The following FAM89A variants were observed in gnomAD, a reference collection of about 807,000 sequenced individuals.
The protein encoded by FAM89A is family with sequence similarity 89 member A, also known as protein FAM89A.
In FAM89A, 10 loss-of-function variants were observed where a neutral mutation model predicts 7.1. The ratio of observed to expected loss-of-function variants is 1.40; its 90% CI spans 0.86 to 2.38. FAM89A has a LOEUF of 2.38. Among genes scored for constraint, FAM89A ranks in the 30% most tolerant of loss-of-function variants. The pLI, the probability that FAM89A is intolerant of heterozygous loss-of-function variation, is 0.00. For missense variants in FAM89A, 276 were observed against 262.8 expected, an observed-to-expected ratio of 1.05 and a Z score of -0.35; for synonymous variants, 157 against 129.3, an observed-to-expected ratio of 1.21 and a Z score of -1.45.
chr1:231,025,066 G>A (rs930182757), intron 1 of FAM89A, among the ~76,000 whole-genome samples: 6 of 152,000 alleles, frequency 3.9e-5, no homozygotes, highest in Non-Finnish European at 8.8e-5. Flanking sequence ...GGGACTACAG[G>A]CGCTCGCCAC....
chr1:231,033,229 T>C (rs1001560469), intron 1 of FAM89A, among the ~76,000 whole-genome samples: 1 of 152,168 alleles, frequency 6.6e-6, no homozygotes, highest in African/African-American at 2.4e-5. Context: ...GGGCTCCATA[T>C]GGAGAATGAC....
At chr1:231,024,374 C>A (rs1007362266) in intron 1 of FAM89A, among the ~76,000 whole-genome samples, 1 of 152,126 alleles carries the variant, frequency 6.6e-6, no homozygotes, top group African/African-American at 2.4e-5. Context: ...AAAAAGTGAT[C>A]ATCTTGTAAA....
chr1:231,029,419 G>C (rs929181355), intron 1 of FAM89A, among the ~76,000 whole-genome samples: 1 of 152,062 alleles, frequency 6.6e-6, no homozygotes, highest in African/African-American at 2.4e-5. Context: ...TTGAGCCCAG[G>C]AGGTTGAGGC....
intron 1 of FAM89A, chr1:231,022,138 T>C (rs1397822910): frequency 2.5e-6 from 3 of 1,192,994 alleles, no homozygotes; most frequent in Middle Eastern, 1.9e-4. Context: ...GCCCAACTTG[T>C]AGGAAAAAGA....
chr1:231,021,717 TA>T, intron 1 of FAM89A: 2 of 1,596,050 alleles, frequency 1.3e-6, no homozygotes. Context: ...GCAGAACCCA[TA>T]GAACTCGTGG....
At chr1:231,030,846 A>G (rs1292527151) in intron 1 of FAM89A, among the ~76,000 whole-genome samples, 2 of 152,244 alleles carry the variant, frequency 1.3e-5, no homozygotes, top group African/African-American at 4.8e-5. Flanking sequence ...GAGGTGACTT[A>G]CACCTGTAAT....
At chr1:231,022,196 C>A in intron 1 of FAM89A, 1 of 974,324 alleles carries the variant, frequency 1.0e-6, no homozygotes. Flanking sequence ...TATTCAGAGA[C>A]GCCCAGGAGA....
chr1:231,019,910 G>A lies in FAM89A; in HGVS notation c.508C>T (p.Pro170Ser), dbSNP rs369570322. 1.9e-6 allele frequency: 3 copies of A among 1,614,186 alleles called. No individual in the cohort carries two copies. Among genetic ancestry groups the A allele is most frequent in the Middle Eastern group, 1.7e-4 (1 of 6,060 alleles). Residue 170 changes from proline to serine, a missense_variant, in exon 2 of 2, where the codon CCT (proline) becomes TCT (serine). Coordinates refer to ENST00000366654, the MANE Select transcript of FAM89A (RefSeq NM_198552.3). ...TCGCTGCTGGAGAGGGAGGAGACAGGCAGTGACAAGTCCCGAGGAGGGCCT... is the reference window on the plus strand; with the variant it reads ...TCGCTGCTGGAGAGGGAGGAGACAGACAGTGACAAGTCCCGAGGAGGGCCT... ...DRGPPRDLSL[P>S]VSSLSSSDWI...
At chr1:231,039,447 C>T (rs528906913) in intron 1 of FAM89A, among the ~76,000 whole-genome samples, 5 of 152,226 alleles carry the variant, frequency 3.3e-5, no homozygotes, top group Admixed American at 1.3e-4. Flanking sequence ...GAAAGGGGGC[C>T]GGGCTGTTCC....
At position 231,039,902 on chromosome 1, in the gene FAM89A, C is replaced by G. The variant is rs1280535089; in HGVS notation, c.291+19G>C. ...CGAGCCCGGCCGGGAAGAGCCCCAG[C>G]TCGCGGAGCCCCACTCACCATCTCT... On this transcript the variant is annotated intron_variant, in intron 1 of 1. Coordinates refer to ENST00000366654, the MANE Select transcript of FAM89A (RefSeq NM_198552.3). The G allele has an allele frequency of 2.3e-6, 3 of 1,290,826 alleles. No homozygotes were observed. Among genetic ancestry groups the G allele is most frequent in the Non-Finnish European group, 2.9e-6 (3 of 1,020,948 alleles). 80.0% of individuals were successfully genotyped at this position (1,290,826 alleles called of 1,614,324 possible).
intron 1 of FAM89A, 74 bp from the exon 2 acceptor site, chr1:231,020,200 G>C: frequency 7.0e-7 from 1 of 1,431,504 alleles, no homozygotes; most frequent in Non-Finnish European, 9.3e-7. Context: ...ACACTCAGCC[G>C]GCGATCTGCG....
chr1:231,019,656 A>G lies in FAM89A; in HGVS notation c.*207T>C. The G allele has an allele frequency of 1.7e-6, 1 of 585,958 alleles. No homozygotes were observed. The highest frequency in any genetic ancestry group is 3.0e-6 in the Non-Finnish European group (1 of 331,562). The allele number at this position is 585,958 out of a possible 1,614,324, so 36.3% of individuals were successfully genotyped here. A position where few individuals can be genotyped will look rare whatever the true frequency, so the allele number is the denominator to read the frequency against. On this transcript the variant is annotated 3_prime_UTR_variant, in exon 2 of 2. Transcript: ENST00000366654. ...GGATACTGCTGAGGACCTCTAGGTC[A>G]CCTAAGCAGAAACTGCTGCCATCAA...
At position 231,029,355 on chromosome 1, in the gene FAM89A, G is replaced by A. The variant is rs543096291; in HGVS notation, c.292-9229C>T. ...AATATTTTAAAAATTGGCTGGGTGT[G>A]GTGGTACGTGCCTGTGGTCCCAGCT... On this transcript the variant is annotated intron_variant, in intron 1 of 1. Coordinates refer to ENST00000366654, the MANE Select transcript of FAM89A (RefSeq NM_198552.3). Among the ~76,000 whole-genome samples the A allele has an allele frequency of 3.3e-5, 5 of 152,118 alleles. No individual in the cohort carries two copies. The East Asian group carries it at 9.7e-4, about 30-fold the overall frequency.
Position 231,024,060 on chromosome 1 carries a change from G to A in FAM89A, c.292-3934C>T, listed in dbSNP as rs531967986. Among the ~76,000 whole-genome samples the A allele has an allele frequency of 2.0e-5, 3 of 152,042 alleles. No individual in the cohort carries two copies. The South Asian group carries it at 6.2e-4, about 32-fold the overall frequency. Reference sequence around the variant, plus strand: ...AGAAACTGCAAACTAGGGAAAGGTTGGTATGAAAAAATGTCTTTCCTTTTT... The same window carrying A: ...AGAAACTGCAAACTAGGGAAAGGTTAGTATGAAAAAATGTCTTTCCTTTTT... On this transcript the variant is annotated intron_variant, in intron 1 of 1. Transcript: ENST00000366654.
chr1:231,022,048 A>T (rs531362058), intron 1 of FAM89A: 1 of 1,418,484 alleles, frequency 7.0e-7, no homozygotes, highest in Non-Finnish European at 1.0e-6. Context: ...TGCAGAATAG[A>T]CGTCTCATCG....
At chr1:231,024,882 G>T (rs1253940509) in intron 1 of FAM89A, among the ~76,000 whole-genome samples, 1 of 147,318 alleles carries the variant, frequency 6.8e-6, no homozygotes, top group African/African-American at 2.5e-5. Context: ...CTTCCAGATA[G>T]AGAGGTGGGT....
intron 1 of FAM89A, chr1:231,021,941 C>T (rs1679886735): frequency 6.9e-7 from 1 of 1,445,608 alleles, no homozygotes; most frequent in Admixed American, 1.7e-5. Context: ...TGTGACTACC[C>T]ACACTTCCAG....
At chr1:231,021,638 G>A in intron 1 of FAM89A, 6 of 1,550,736 alleles carry the variant, frequency 3.9e-6, no homozygotes, top group Non-Finnish European at 5.3e-6. Context: ...TCGAGGTGGA[G>A]CAATAAATTC....
At chr1:231,032,370 C>CG (rs1680088283) in intron 1 of FAM89A, among the ~76,000 whole-genome samples, 4 of 141,206 alleles carry the variant, frequency 2.8e-5, no homozygotes, top group Admixed American at 7.2e-5. Flanking sequence ...CGCCCCACCC[C>CG]ACCCCGCCCC....
Sources: gnomAD v4.1 joint callset for allele counts (sites outside exome capture counted in the v4.1 genomes callset) on GRCh38, gnomAD v4.1.1 for gene constraint, MANE v1.5 for transcripts, NCBI Gene and HGNC (gene_info 2026-07-23, HGNC 2026-07-21) for gene names.